ZNF385C: variants seen among roughly 807,000 people sequenced by gnomAD.
ZNF385C encodes the protein zinc finger protein 385C.
In ZNF385C, 28 loss-of-function variants were observed where a neutral mutation model predicts 35.4. The observed-to-expected ratio is 0.79, with a 90% CI of 0.59 to 1.08. The LOEUF (loss-of-function observed/expected upper bound fraction) is 1.08, where lower values mean the gene tolerates loss of function less well. ZNF385C is among the 50% of genes least tolerant of loss of function. ZNF385C has a pLI of 0.00. For missense variants in ZNF385C, 605 were observed against 595.6 expected, an observed-to-expected ratio of 1.02 and a Z score of -0.16; for synonymous variants, 248 against 248.2, an observed-to-expected ratio of 1.00 and a Z score of 0.01.
intron 1 of ZNF385C, among the ~76,000 whole-genome samples, chr17:42,088,528 G>C (rs567502335): frequency 3.9e-5 from 6 of 152,242 alleles, no homozygotes; most frequent in Non-Finnish European, 5.9e-5. Context: ...CACGGGACTC[G>C]AGGTAGGTGG....
intron 1 of ZNF385C, among the ~76,000 whole-genome samples, chr17:42,064,118 A>ACT (rs1555658291): frequency 2.4e-4 from 32 of 135,434 alleles, no homozygotes; most frequent in African/African-American, 8.8e-4. Context: ...ACACACACAC[A>ACT]CTTTCTGTCT....
intron 2 of ZNF385C, chr17:42,062,333 G>A (rs1167198359): frequency 3.2e-5 from 5 of 154,482 alleles, no homozygotes; most frequent in African/African-American, 1.2e-4. Context: ...AGAAATCCTG[G>A]CCAGGAGTCC....
intron 2 of ZNF385C, among the ~76,000 whole-genome samples, chr17:42,051,225 C>A (rs2053277128): frequency 6.6e-6 from 1 of 151,806 alleles, no homozygotes; most frequent in Non-Finnish European, 1.5e-5. Context: ...GGGAAGCCTC[C>A]TCCGGAGGAG....
chr17:42,040,464 C>G (rs1454826099), intron 2 of ZNF385C: 19 of 1,232,210 alleles, frequency 1.5e-5, no homozygotes, highest in Non-Finnish European at 1.9e-5. Context: ...AGGCCAAGTC[C>G]GGCTCTTCTG....
chr17:42,068,045 C>G (rs782045016), intron 1 of ZNF385C, among the ~76,000 whole-genome samples: 1 of 152,184 alleles, frequency 6.6e-6, no homozygotes, highest in African/African-American at 2.4e-5. Context: ...TGTGTTCCCC[C>G]CAGCCAGGCT....
Position 42,026,781 on chromosome 17 carries a change from G to T in ZNF385C, c.*116C>A. The T allele has an allele frequency of 9.7e-7, 1 of 1,032,418 alleles. No homozygotes were observed. Among genetic ancestry groups the T allele is most frequent in the Non-Finnish European group, 1.5e-6 (1 of 675,346 alleles). The allele number at this position is 1,032,418 out of a possible 1,614,324, so 64.0% of individuals were successfully genotyped here. On this transcript the variant is annotated 3_prime_UTR_variant, in exon 9 of 9. Transcript: ENST00000692273. ...ACTAGCCCAGCTCTTTCTGGATCGGGCAGGACCCCTGAAGCTGTTCACAGT... is the reference window on the plus strand; with the variant it reads ...ACTAGCCCAGCTCTTTCTGGATCGGTCAGGACCCCTGAAGCTGTTCACAGT...
intron 2 of ZNF385C, among the ~76,000 whole-genome samples, chr17:42,055,672 C>T (rs1314217826): frequency 2.0e-5 from 3 of 152,150 alleles, no homozygotes; most frequent in Non-Finnish European, 4.4e-5. Context: ...GGGAGACAGG[C>T]TGGAGGGCTT....
At chr17:42,059,123 GC>G (rs1555657795) in intron 2 of ZNF385C, among the ~76,000 whole-genome samples, 2 of 152,202 alleles carry the variant, frequency 1.3e-5, no homozygotes, top group Non-Finnish European at 2.9e-5. Context: ...TCTAGCTGGA[GC>G]CCCAGAATTC....
chr17:42,044,973 A>G (rs2143694776), intron 2 of ZNF385C, among the ~76,000 whole-genome samples: 1 of 146,648 alleles, frequency 6.8e-6, no homozygotes, highest in Admixed American at 6.9e-5. Flanking sequence ...GCTGGAGTGC[A>G]GTGGCGCAAT....
intron 2 of ZNF385C, chr17:42,040,244 A>T (rs2052983062): frequency 1.6e-6 from 2 of 1,231,432 alleles, no homozygotes; most frequent in Admixed American, 8.4e-5. Context: ...TTCCGCATGG[A>T]GTCCAGGAAG....
At chr17:42,035,919 G>A (rs945162088) in intron 3 of ZNF385C, among the ~76,000 whole-genome samples, 1 of 152,136 alleles carries the variant, frequency 6.6e-6, no homozygotes, top group Non-Finnish European at 1.5e-5. Context: ...TAGGGGGCAG[G>A]GAGCAGCAAG....
At chr17:42,069,036 C>A (rs2053587195) in intron 1 of ZNF385C, among the ~76,000 whole-genome samples, 1 of 152,216 alleles carries the variant, frequency 6.6e-6, no homozygotes, top group South Asian at 2.1e-4. Context: ...GTGTATGTAC[C>A]CATCCATCTG....
At chr17:42,089,612 G>A (rs2053844225) in intron 1 of ZNF385C, among the ~76,000 whole-genome samples, 1 of 152,130 alleles carries the variant, frequency 6.6e-6, no homozygotes, top group Admixed American at 6.6e-5. Context: ...TGACTAAAAT[G>A]CACAAAAGAA....
At chr17:42,044,919 T>A (rs183671098) in intron 2 of ZNF385C, among the ~76,000 whole-genome samples, 4 of 7,162 alleles carry the variant, frequency 5.6e-4, no homozygotes, top group East Asian at 9.7e-3. Context: ...CAACTCTACC[T>A]TTTTTTTTTT....
At chr17:42,082,317 C>T (rs781808638) in intron 1 of ZNF385C, among the ~76,000 whole-genome samples, 2 of 152,218 alleles carry the variant, frequency 1.3e-5, no homozygotes, top group Admixed American at 6.5e-5. Context: ...GGATTACAGG[C>T]GTGAGCCACC....
chr17:42,076,371 C>G (rs937412852), intron 1 of ZNF385C, among the ~76,000 whole-genome samples: 6 of 151,676 alleles, frequency 4.0e-5, no homozygotes, highest in Admixed American at 6.6e-5. Context: ...CCTGTAATCC[C>G]AGCACTTTGG....
At chr17:42,027,778 C>T in intron 7 of ZNF385C, 50 bp from the exon 8 acceptor site, 1 of 1,570,104 alleles carries the variant, frequency 6.4e-7, no homozygotes, top group Non-Finnish European at 8.7e-7. Context: ...GCCCAAGGAC[C>T]CCAAGACCAT....
chr17:42,053,654 T>C (rs1555657314), intron 2 of ZNF385C, among the ~76,000 whole-genome samples: 1 of 151,530 alleles, frequency 6.6e-6, no homozygotes, highest in Non-Finnish European at 1.5e-5. Flanking sequence ...TCGGCCAGAG[T>C]GGGGGCTTCC....
intron 2 of ZNF385C, among the ~76,000 whole-genome samples, chr17:42,055,300 C>T (rs1427078185): frequency 2.6e-5 from 4 of 152,074 alleles, no homozygotes; most frequent in Admixed American, 2.0e-4. Flanking sequence ...ATTAACCCAC[C>T]CAGAGACACA....
Sources: allele counts gnomAD v4.1 joint callset (sites outside exome capture counted in the v4.1 genomes callset), GRCh38; gene constraint gnomAD v4.1.1; transcripts MANE v1.5; gene names NCBI Gene and HGNC (gene_info 2026-07-23, HGNC 2026-07-21).